The following ANKFN1 variants were observed in gnomAD, a reference collection of about 807,000 sequenced individuals.
The protein encoded by ANKFN1 is ankyrin repeat and fibronectin type III domain containing 1.
Under a neutral mutation model 108.7 loss-of-function variants are expected in ANKFN1, and 74 were observed. The ratio of observed to expected loss-of-function variants is 0.68; its 90% CI spans 0.56 to 0.83. The LOEUF is 0.83. Ranked by LOEUF, ANKFN1 falls within the 40% of genes least tolerant of loss-of-function variation. ANKFN1 has a pLI of 0.00. For synonymous variants in ANKFN1, 547 were observed against 516.2 expected (o/e 1.06, Z -0.81); for missense variants, 1,505 against 1,382.3 (o/e 1.09, Z -1.41).
chr17:56,068,723 T>C (rs1905089089), intron 4 of ANKFN1, among the ~76,000 whole-genome samples: 1 of 152,206 alleles, frequency 6.6e-6, no homozygotes, highest in South Asian at 2.1e-4. Flanking sequence ...TTCATATCGT[T>C]CAATGAAATG....
intron 1 of ANKFN1, among the ~76,000 whole-genome samples, chr17:56,154,044 A>G (rs1329960529): frequency 6.6e-6 from 1 of 150,572 alleles, no homozygotes; most frequent in Non-Finnish European, 1.5e-5. Flanking sequence ...TTTTTTTTGT[A>G]AGAGGTCATC....
intron 3 of ANKFN1, among the ~76,000 whole-genome samples, chr17:56,281,803 A>G (rs2044090478): frequency 6.6e-6 from 1 of 152,210 alleles, no homozygotes; most frequent in South Asian, 2.1e-4. Context: ...TACCCCTCAC[A>G]CTATTTTAAT....
intron 1 of ANKFN1, among the ~76,000 whole-genome samples, chr17:56,201,501 T>TACA (rs1308439377): frequency 5.6e-4 from 85 of 152,326 alleles, no homozygotes; most frequent in African/African-American, 1.6e-3. Flanking sequence ...CTATAAACTG[T>TACA]AAACCCCATA....
At chr17:56,390,289 C>T (rs1246823758) in intron 8 of ANKFN1, among the ~76,000 whole-genome samples, 1 of 151,386 alleles carries the variant, frequency 6.6e-6, no homozygotes, top group Non-Finnish European at 1.5e-5. Flanking sequence ...TGAGTGAGAA[C>T]ATGGGGTGTT....
intron 4 of ANKFN1, among the ~76,000 whole-genome samples, chr17:56,054,036 G>A (rs549130975): frequency 1.3e-4 from 20 of 152,094 alleles, no homozygotes; most frequent in African/African-American, 3.6e-4. Flanking sequence ...TCTGAAGTCC[G>A]TTATATCACT....
At chr17:56,059,475 C>T (rs1372021250) in intron 4 of ANKFN1, among the ~76,000 whole-genome samples, 3 of 152,056 alleles carry the variant, frequency 2.0e-5, no homozygotes, top group African/African-American at 7.2e-5. Context: ...GTTGCAATTG[C>T]TTTTGATGTT....
chr17:56,313,549 T>C (rs2045107170), intron 3 of ANKFN1, among the ~76,000 whole-genome samples: 1 of 152,150 alleles, frequency 6.6e-6, no homozygotes, highest in African/African-American at 2.4e-5. Flanking sequence ...CTCTCAGTCC[T>C]TTTCTCTTGG....
rs1045716681 is a variant in ANKFN1, at chr17:56,444,578, C to T, written c.1099+1645C>T. ...GCATCATTGTCACTATCATCTGCAT[C>T]TCTATCAGCATTGGAGATAACCTTT... is the stretch of plus-strand genomic sequence containing the variant. On this transcript the variant is annotated intron_variant, in intron 10 of 20. Transcript: ENST00000682825. 1.2e-4 allele frequency among the ~76,000 whole-genome samples: 18 copies of T among 152,264 alleles called. No homozygotes were observed. In the East Asian group the frequency reaches 3.3e-3, roughly 28 times the overall value.
At chr17:56,291,222 G>A (rs1239918580) in intron 3 of ANKFN1, among the ~76,000 whole-genome samples, 26 of 152,134 alleles carry the variant, frequency 1.7e-4, no homozygotes, top group Admixed American at 1.7e-3. Flanking sequence ...TTTGATTCTA[G>A]GACTATGTCT....
At chr17:56,109,663 C>T (rs1905847897) in intron 4 of ANKFN1, among the ~76,000 whole-genome samples, 1 of 152,204 alleles carries the variant, frequency 6.6e-6, no homozygotes, top group African/African-American at 2.4e-5. Context: ...CTTTTCCTCA[C>T]TTTGGATTGA....
At chr17:56,480,900 T>A in intron 17 of ANKFN1, 82 bp downstream of exon 17, 1 of 1,303,140 alleles carries the variant, frequency 7.7e-7, no homozygotes, top group African/African-American at 1.7e-5. Flanking sequence ...TGTGTGTGTG[T>A]GTGTGTGTGT....
At chr17:56,425,127 T>TA (rs59432133) in intron 8 of ANKFN1, among the ~76,000 whole-genome samples, 4,041 of 139,824 alleles carry the variant, frequency 0.029, 58 homozygotes, top group Non-Finnish European at 0.034. Flanking sequence ...AGCTCTTAGT[T>TA]AAAAAAAAAA....
rs568137966 is a variant in ANKFN1 at position 56,512,714 on chromosome 17, C to T, written c.*1445C>T. Among the ~76,000 whole-genome samples, 20 of 152,328 alleles carry T rather than the reference C, an allele frequency of 1.3e-4. No individual in the cohort carries two copies. In the South Asian group the frequency reaches 4.1e-3, roughly 32 times the overall value. On this transcript the variant is annotated 3_prime_UTR_variant, in exon 21 of 21. Transcript: ENST00000682825. Reference sequence around the variant, plus strand: ...TGTCCACAGAGTTCTACCATTCCTCCTCATGGGAGTTCATACAAAGTCCCC... The same window carrying T: ...TGTCCACAGAGTTCTACCATTCCTCTTCATGGGAGTTCATACAAAGTCCCC...
intron 3 of ANKFN1, among the ~76,000 whole-genome samples, chr17:56,320,308 T>C (rs2045325929): frequency 1.3e-5 from 2 of 152,230 alleles, no homozygotes; most frequent in Non-Finnish European, 2.9e-5. Context: ...TTGTCTAGTA[T>C]AGTATCTTTG....
At chr17:56,259,893 C>T (rs993434736) in intron 3 of ANKFN1, among the ~76,000 whole-genome samples, 2 of 147,234 alleles carry the variant, frequency 1.4e-5, no homozygotes, top group South Asian at 4.3e-4. Context: ...GGTATCACTC[C>T]CCCACCCCAC....
intron 14 of ANKFN1, among the ~76,000 whole-genome samples, chr17:56,460,681 G>A (rs969855717): frequency 1.3e-5 from 2 of 151,034 alleles, no homozygotes; most frequent in South Asian, 4.2e-4. Context: ...AGAAGGTAAA[G>A]TCTCACATTT....
At chr17:56,307,992 A>T (rs1343448317) in intron 3 of ANKFN1, among the ~76,000 whole-genome samples, 1 of 152,068 alleles carries the variant, frequency 6.6e-6, no homozygotes, top group South Asian at 2.1e-4. Context: ...AAAACCAAAC[A>T]TGAAGAGAAC....
chr17:56,166,833 G>T (rs1910168469), intron 1 of ANKFN1, among the ~76,000 whole-genome samples: 1 of 152,068 alleles, frequency 6.6e-6, no homozygotes. Flanking sequence ...TTTGATTGCT[G>T]TATTGAATAT....
chr17:56,454,908 C>G (rs2049634048), intron 11 of ANKFN1, among the ~76,000 whole-genome samples: 1 of 152,132 alleles, frequency 6.6e-6, no homozygotes, highest in Non-Finnish European at 1.5e-5. Flanking sequence ...CTGTTGATTT[C>G]CAGAGAACAA....
Sources: gnomAD v4.1 joint callset for allele counts (sites outside exome capture counted in the v4.1 genomes callset) on GRCh38, gnomAD v4.1.1 for gene constraint, MANE v1.5 for transcripts, NCBI Gene and HGNC (gene_info 2026-07-23, HGNC 2026-07-21) for gene names.